SPPL3: variants seen among roughly 807,000 people sequenced by gnomAD.
The protein encoded by SPPL3 is signal peptide peptidase like 3.
In SPPL3, 5 loss-of-function variants were observed where a neutral mutation model predicts 42.4. That is an observed-to-expected ratio of 0.12 (90% confidence interval 0.06 to 0.25). The LOEUF (loss-of-function observed/expected upper bound fraction) is 0.25, where lower values mean the gene tolerates loss of function less well. Ranked by LOEUF, SPPL3 falls within the 10% of genes least tolerant of loss-of-function variation. The probability of loss-of-function intolerance (pLI) is 1.00; values close to 1 mark genes in which losing one functional copy is unlikely to be tolerated. For synonymous variants in SPPL3, 195 were observed against 181.8 expected (o/e 1.07, Z -0.58); for missense variants, 235 against 489.0 (o/e 0.48, Z 4.90).
chr12:120,879,784 A>C (rs2137056576), intron 1 of SPPL3, among the ~76,000 whole-genome samples: 1 of 152,238 alleles, frequency 6.6e-6, no homozygotes, highest in Middle Eastern at 3.4e-3. Context: ...AACACCACCT[A>C]CATTTCAGGG....
chr12:120,780,884 T>C (rs1271880630), intron 6 of SPPL3, among the ~76,000 whole-genome samples: 1 of 152,130 alleles, frequency 6.6e-6, no homozygotes, highest in East Asian at 1.9e-4. Context: ...CACTCCAGCC[T>C]GGGCAACAAA....
intron 1 of SPPL3, among the ~76,000 whole-genome samples, chr12:120,867,198 CTT>C (rs1414962064): frequency 2.6e-5 from 4 of 152,122 alleles, no homozygotes; most frequent in Admixed American, 1.3e-4. Context: ...CTAAATGTAA[CTT>C]AAAATTCAGC....
At chr12:120,767,266 T>C in intron 9 of SPPL3, 128 bp downstream of exon 9, 1 of 980,594 alleles carries the variant, frequency 1.0e-6, no homozygotes, top group South Asian at 1.6e-5. Flanking sequence ...GGCCAGGCTG[T>C]CTATTACAGC....
At chr12:120,837,131 G>A (rs559597421) in intron 1 of SPPL3, among the ~76,000 whole-genome samples, 1 of 152,280 alleles carries the variant, frequency 6.6e-6, no homozygotes. Flanking sequence ...ACATTTTAAT[G>A]TAACTTGTTA....
chr12:120,887,237 G>A (rs1732406), intron 1 of SPPL3, among the ~76,000 whole-genome samples: 151,093 of 152,280 alleles, frequency 0.99, 74,976 homozygotes, highest in Middle Eastern at 1. Context: ...CGTGAAATAA[G>A]TATTTTTATG....
intron 1 of SPPL3, among the ~76,000 whole-genome samples, chr12:120,891,421 ATTT>A (rs567573709): frequency 6.6e-6 from 1 of 152,142 alleles, no homozygotes; most frequent in Non-Finnish European, 1.5e-5. Context: ...AGGCCACGAG[ATTT>A]TTTTCAATTG....
intron 1 of SPPL3, among the ~76,000 whole-genome samples, chr12:120,887,535 A>G (rs1873503542): frequency 6.6e-6 from 1 of 152,200 alleles, no homozygotes; most frequent in South Asian, 2.1e-4. Flanking sequence ...TCACTTAACC[A>G]AAGGGAAGAA....
chr12:120,768,872 C>A (rs1489438489), intron 7 of SPPL3, 81 bp downstream of exon 7: 1 of 1,266,318 alleles, frequency 7.9e-7, no homozygotes, highest in African/African-American at 1.5e-5. Context: ...ACTTTGGATA[C>A]TTCTAGTTAA....
At chr12:120,824,745 C>A (rs1335092261) in intron 1 of SPPL3, among the ~76,000 whole-genome samples, 1 of 151,986 alleles carries the variant, frequency 6.6e-6, no homozygotes, top group African/African-American at 2.4e-5. Flanking sequence ...GCCATATTAC[C>A]CAAGCTGGTC....
intron 1 of SPPL3, among the ~76,000 whole-genome samples, chr12:120,835,890 T>C (rs879064298): frequency 2.0e-5 from 3 of 152,232 alleles, no homozygotes; most frequent in Admixed American, 2.0e-4. Flanking sequence ...TTAGATTTGG[T>C]TGGTAACTTA....
chr12:120,873,765 A>G (rs1193637083), intron 1 of SPPL3, among the ~76,000 whole-genome samples: 1 of 151,872 alleles, frequency 6.6e-6, no homozygotes, highest in East Asian at 1.9e-4. Flanking sequence ...CCAGCTACTC[A>G]GGAGGCTGAG....
At chr12:120,890,488 C>G (rs1566071068) in intron 1 of SPPL3, among the ~76,000 whole-genome samples, 1 of 149,930 alleles carries the variant, frequency 6.7e-6, no homozygotes, top group Non-Finnish European at 1.5e-5. Flanking sequence ...ACTCGGGAGG[C>G]TGAGGCAGGA....
intron 1 of SPPL3, among the ~76,000 whole-genome samples, chr12:120,837,222 C>T (rs776264970): frequency 2.0e-5 from 3 of 152,008 alleles, no homozygotes; most frequent in Non-Finnish European, 4.4e-5. Flanking sequence ...TTTATTTTTG[C>T]CTAGTTTATC....
intron 1 of SPPL3, among the ~76,000 whole-genome samples, chr12:120,877,771 A>C (rs1873150377): frequency 7.0e-6 from 1 of 142,648 alleles, no homozygotes; most frequent in Middle Eastern, 3.5e-3. Flanking sequence ...ACAAGAGTGA[A>C]ACTCCGTCTT....
At chr12:120,814,422 G>A (rs903819052) in intron 1 of SPPL3, among the ~76,000 whole-genome samples, 9 of 152,152 alleles carry the variant, frequency 5.9e-5, no homozygotes, top group Non-Finnish European at 1.3e-4. Context: ...TGAACAACCA[G>A]ATTATGTAGA....
rs183211104 is a variant in SPPL3 at position 120,795,037 on chromosome 12, C to G, written c.102-3480G>C. Reference sequence around the variant, plus strand: ...TTATTTCCCTCCCTCAACCTTTGTGCTACTGTGGCCATGCATTTAACTCTT... The same window carrying G: ...TTATTTCCCTCCCTCAACCTTTGTGGTACTGTGGCCATGCATTTAACTCTT... On this transcript the variant is annotated intron_variant, in intron 2 of 10. Coordinates refer to ENST00000353487, the MANE Select transcript of SPPL3 (RefSeq NM_139015.5). 7.9e-5 allele frequency among the ~76,000 whole-genome samples: 12 copies of G among 152,322 alleles called. No homozygotes were observed. In the East Asian group the frequency reaches 2.3e-3, roughly 29 times the overall value.
intron 6 of SPPL3, among the ~76,000 whole-genome samples, chr12:120,772,918 GA>G (rs1364872595): frequency 8.5e-5 from 13 of 152,288 alleles, no homozygotes; most frequent in African/African-American, 2.9e-4. Context: ...ATGTGGTCAA[GA>G]TCTAATTCCT....
chr12:120,845,136 C>A, intron 1 of SPPL3: 1 of 438,506 alleles, frequency 2.3e-6, no homozygotes, highest in Middle Eastern at 6.8e-4. Context: ...GCGGACTAGA[C>A]AGCCAGCCCA....
At chr12:120,847,713 G>C (rs1872089719) in intron 1 of SPPL3, among the ~76,000 whole-genome samples, 2 of 152,066 alleles carry the variant, frequency 1.3e-5, no homozygotes, top group African/African-American at 4.8e-5. Flanking sequence ...TTACAGGTGT[G>C]AGCCACCACA....
Sources: gnomAD v4.1 joint callset for allele counts (sites outside exome capture counted in the v4.1 genomes callset) on GRCh38, gnomAD v4.1.1 for gene constraint, MANE v1.5 for transcripts, NCBI Gene and HGNC (gene_info 2026-07-23, HGNC 2026-07-21) for gene names.